The following ATRN variants were observed in gnomAD, a reference collection of about 807,000 sequenced individuals.
ATRN encodes the protein attractin, also known as attractin-2.
ATRN carries 54 observed loss-of-function variants against 178.7 expected under a neutral mutation model. That is an observed-to-expected ratio of 0.30 (90% CI 0.24 to 0.38). The LOEUF (loss-of-function observed/expected upper bound fraction) is 0.38. Ranked by LOEUF, ATRN falls within the 10% of genes least tolerant of loss-of-function variation. The pLI, the probability that ATRN is intolerant of heterozygous loss-of-function variation, is 1.00. For missense variants in ATRN, 1,443 were observed against 1,815.1 expected (o/e 0.79, Z 3.73); for synonymous variants, 636 against 663.0 (o/e 0.96, Z 0.63).
chr20:3,475,111 G>T (rs948661615), intron 1 of ATRN, among the ~76,000 whole-genome samples: 2 of 151,892 alleles, frequency 1.3e-5, no homozygotes, highest in African/African-American at 4.8e-5. Context: ...GATTGCAGTG[G>T]CTTGTATCTT....
At chr20:3,590,446 G>A (rs1223426167) in intron 18 of ATRN, among the ~76,000 whole-genome samples, 1 of 152,088 alleles carries the variant, frequency 6.6e-6, no homozygotes, top group East Asian at 1.9e-4. Flanking sequence ...CTAGAGTTCT[G>A]CAGTGCACAG....
At position 3,547,483 on chromosome 20, in the gene ATRN, T is replaced by C; in HGVS notation, c.937T>C (p.Trp313Arg). ...DVRGCSCFSD[W>R]QGPGCSVPVP... The stretch of plus-strand genomic sequence containing the variant: ...CAGAGGATGCTCCTGCTTCTCAGAC[T>C]GGCAGGGTAGGAGCTTCTTTCATTT... Residue 313 changes from tryptophan (W) to arginine (R), a missense_variant, in exon 5 of 29, where the codon TGG becomes CGG. By Grantham distance (101) the Trp-to-Arg change is moderately radical. Around this residue, in one of 4 missense-constraint regions of ATRN, gnomAD observed 862 missense variants for 972.1 expected, o/e 0.89. Transcript: ENST00000262919. 1 of 1,612,608 alleles carries C rather than the reference T, an allele frequency of 6.2e-7. No individual in the cohort carries two copies. Among genetic ancestry groups the C allele is most frequent in the East Asian group, 2.2e-5 (1 of 44,876 alleles).
Position 3,480,858 on chromosome 20 carries a change from G to A in ATRN, c.410+9341G>A, listed in dbSNP as rs557068997. 2.8e-4 allele frequency among the ~76,000 whole-genome samples: 42 copies of A among 152,308 alleles called. 1 individual carries two copies. Among genetic ancestry groups the A allele is most frequent in the African/African-American group, 9.4e-4 (39 of 41,568 alleles). On this transcript the variant is annotated intron_variant, in intron 1 of 28. Transcript: ENST00000262919. ...TATTTTTATCTTAAGAAATACAGAA[G>A]TGAGTACCTAGTGTTATGATTGAAC... is the stretch of plus-strand genomic sequence containing the variant.
At chr20:3,526,616 C>T (rs1234319509) in intron 1 of ATRN, among the ~76,000 whole-genome samples, 1 of 152,050 alleles carries the variant, frequency 6.6e-6, no homozygotes, top group Non-Finnish European at 1.5e-5. Context: ...AAAAAAGAGC[C>T]CATATAACCA....
At chr20:3,500,361 A>T (rs2084941448) in intron 1 of ATRN, among the ~76,000 whole-genome samples, 1 of 152,178 alleles carries the variant, frequency 6.6e-6, no homozygotes, top group South Asian at 2.1e-4. Flanking sequence ...TATATAAATC[A>T]TGCTGCTATA....
chr20:3,617,776 C>T (rs566695647), intron 24 of ATRN, among the ~76,000 whole-genome samples: 65 of 152,182 alleles, frequency 4.3e-4, no homozygotes, highest in African/African-American at 1.4e-3. Flanking sequence ...CTCTGCTGGG[C>T]GGGCCTGGAG....
intron 1 of ATRN, among the ~76,000 whole-genome samples, chr20:3,485,596 T>G (rs2146077600): frequency 6.9e-6 from 1 of 145,584 alleles, no homozygotes; most frequent in Non-Finnish European, 1.5e-5. Flanking sequence ...GGTTTGCCAA[T>G]ACATTTTTTT....
At chr20:3,633,513 C>T (rs1436443415) in intron 25 of ATRN, among the ~76,000 whole-genome samples, 1 of 152,208 alleles carries the variant, frequency 6.6e-6, no homozygotes, top group African/African-American at 2.4e-5. Context: ...AGCCTTATGT[C>T]TACATGTAGC....
At chr20:3,635,661 C>A (rs774481845) in intron 26 of ATRN, among the ~76,000 whole-genome samples, 1 of 152,042 alleles carries the variant, frequency 6.6e-6, no homozygotes, top group Non-Finnish European at 1.5e-5. Flanking sequence ...TCACAACTCA[C>A]AAGCACTCAG....
chr20:3,540,633 A>C (rs911918363), intron 3 of ATRN, among the ~76,000 whole-genome samples: 5 of 152,226 alleles, frequency 3.3e-5, no homozygotes, highest in African/African-American at 4.8e-5. Flanking sequence ...TTATCATTAC[A>C]AAATGTTTTG....
rs1316138129 is a variant in ATRN, at chr20:3,562,317, G to T, written c.1489G>T (p.Val497Leu). Residue 497 changes from valine (V) to leucine (L), a missense_variant, in exon 9 of 29, where the codon GTG becomes TTG. Around this residue, in one of 4 missense-constraint regions of ATRN, gnomAD observed 862 missense variants for 972.1 expected, o/e 0.89. Coordinates refer to ENST00000262919, the MANE Select transcript of ATRN (RefSeq NM_139321.3). Reference protein sequence around the residue: ...WSILHTQGALVQGGYGHSSVY... With the variant: ...WSILHTQGALLQGGYGHSSVY... Reference sequence around the variant, plus strand: ...TATATTACACACCCAGGGTGCCCTTGTGCAAGGGGGTTACGGCCATAGCAG... The same window carrying T: ...TATATTACACACCCAGGGTGCCCTTTTGCAAGGGGGTTACGGCCATAGCAG... 6.2e-7 allele frequency: 1 copy of T among 1,614,054 alleles called. No individual in the cohort carries two copies. Among genetic ancestry groups the T allele is most frequent in the South Asian group, 1.1e-5 (1 of 91,078 alleles).
In ATRN at chr20:3,557,009, C is replaced by T. The variant is rs193226110; in HGVS notation, c.1113-2384C>T. ...ATGTGGAGACCTGTTTCTGTCCTTCCTCTGTTTCTTTCCTTTCTTTTAAAC... is the reference window on the plus strand; with the variant it reads ...ATGTGGAGACCTGTTTCTGTCCTTCTTCTGTTTCTTTCCTTTCTTTTAAAC... On this transcript the variant is annotated intron_variant, in intron 6 of 28. Coordinates refer to ENST00000262919, the MANE Select transcript of ATRN (RefSeq NM_139321.3). Among the ~76,000 whole-genome samples, 5 of 152,274 alleles carry T rather than the reference C, an allele frequency of 3.3e-5. No homozygotes were observed. The East Asian group carries it at 9.7e-4, about 29-fold the overall frequency.
intron 2 of ATRN, among the ~76,000 whole-genome samples, chr20:3,535,596 C>G (rs1600084716): frequency 1.6e-5 from 2 of 128,946 alleles, no homozygotes; most frequent in Admixed American, 1.5e-4. Flanking sequence ...GTTACACACA[C>G]ACACACACAC....
At chr20:3,596,562 G>A in intron 21 of ATRN, 133 bp downstream of exon 21, 2 of 814,634 alleles carry the variant, frequency 2.5e-6, no homozygotes, top group Admixed American at 2.4e-5. Flanking sequence ...GACTTGATAT[G>A]TTTACATTCT....
At chr20:3,500,607 A>G (rs1029575920) in intron 1 of ATRN, among the ~76,000 whole-genome samples, 10 of 148,120 alleles carry the variant, frequency 6.8e-5, no homozygotes, top group Admixed American at 2.8e-4. Flanking sequence ...AACACTGCAT[A>G]TTCTCACTCA....
chr20:3,576,687 G>GTCTATCTATCTATCTA (rs1163234122), intron 13 of ATRN, among the ~76,000 whole-genome samples, 172 bp from the exon 14 acceptor site: 3 of 87,804 alleles, frequency 3.4e-5, no homozygotes, highest in African/African-American at 1.2e-4. Context: ...CTATCTGTCT[G>GTCTATCTATCTATCTA]TCTGTCTGTC....
At chr20:3,560,561 C>T in intron 7 of ATRN, 101 bp from the exon 8 acceptor site, 1 of 1,052,366 alleles carries the variant, frequency 9.5e-7, no homozygotes, top group East Asian at 2.6e-5. Flanking sequence ...TCTTGACTAA[C>T]CTTTTTTAAG....
At chr20:3,512,385 G>A (rs1439297383) in intron 1 of ATRN, among the ~76,000 whole-genome samples, 1 of 151,026 alleles carries the variant, frequency 6.6e-6, no homozygotes, top group African/African-American at 2.4e-5. Context: ...GCGATAGTTT[G>A]CTGAGAATGA....
intron 1 of ATRN, among the ~76,000 whole-genome samples, chr20:3,530,839 G>A (rs886298594): frequency 6.6e-6 from 1 of 152,100 alleles, no homozygotes; most frequent in Non-Finnish European, 1.5e-5. Flanking sequence ...TACTGGTAAA[G>A]TAGAAAGAAA....
Sources: allele counts gnomAD v4.1 joint callset (sites outside exome capture counted in the v4.1 genomes callset), GRCh38; gene constraint gnomAD v4.1.1; regional missense constraint gnomAD v4.1.1; transcripts MANE v1.5; gene names NCBI Gene and HGNC (gene_info 2026-07-23, HGNC 2026-07-21).